Variants in VPS13B observed in about 807,000 individuals in gnomAD.
VPS13B encodes the protein vacuolar protein sorting 13 homolog B.
Under a neutral mutation model 426.4 loss-of-function variants are expected in VPS13B, and 285 were observed. That is an observed-to-expected ratio of 0.67 (90% confidence interval 0.61 to 0.74). VPS13B has a LOEUF of 0.74. VPS13B is among the 30% of genes least tolerant of loss of function. The pLI, the probability that VPS13B is intolerant of heterozygous loss-of-function variation, is 0.00. For synonymous variants in VPS13B, 1,676 were observed against 1,676.4 expected (o/e 1.00, Z 0.01); for missense variants, 4,537 against 4,782.6 (o/e 0.95, Z 1.51).
Position 99,156,707 on chromosome 8 carries a change from C to T in VPS13B, c.2172C>T (p.Asn724=). 5 of 1,613,976 alleles carry T rather than the reference C, an allele frequency of 3.1e-6. No individual in the cohort carries two copies. The highest frequency in any genetic ancestry group is 1.3e-5 in the African/African-American group (1 of 75,044). Residue 724 remains asparagine (N), a synonymous_variant, in exon 15 of 62, where the codon AAC becomes AAT. Transcript: ENST00000357162. ...VVSSLTQPSD[N]LLHYCYVHCY... is the part of the protein sequence containing the mutation. ...GCAGCCTTACTCAACCTTCTGATAA[C>T]CTGCTTCATTATTGTTATGTACACT...
chr8:99,727,992 A>G (rs1833420507), intron 39 of VPS13B, among the ~76,000 whole-genome samples: 1 of 152,244 alleles, frequency 6.6e-6, no homozygotes, highest in South Asian at 2.1e-4. Flanking sequence ...ATATCCTTCT[A>G]ATAGTTTGGC....
Position 99,541,625 on chromosome 8 carries a change from C to T in VPS13B, c.4746-14825C>T, listed in dbSNP as rs1823626702. Among the ~76,000 whole-genome samples, 4 of 152,180 alleles carry T rather than the reference C, an allele frequency of 2.6e-5. No individual in the cohort carries two copies. The South Asian group carries it at 8.3e-4, about 32-fold the overall frequency. On this transcript the variant is annotated intron_variant, in intron 30 of 61. Transcript: ENST00000357162. ...ATTTATTATTCCCATATTTGTATAA[C>T]TCTTGCCATGTTAAAACATTCATGC...
intron 35 of VPS13B, chr8:99,696,536 G>A (rs181339445): frequency 1.7e-4 from 81 of 468,944 alleles, no homozygotes; most frequent in African/African-American, 1.1e-3. Flanking sequence ...AATTCCTGCC[G>A]CCCGTGACCA....
chr8:99,130,814 A>T (rs931544060), intron 8 of VPS13B, among the ~76,000 whole-genome samples: 1 of 152,206 alleles, frequency 6.6e-6, no homozygotes, highest in Non-Finnish European at 1.5e-5. Flanking sequence ...TAAAATAGCT[A>T]CATTGTATAT....
chr8:99,778,110 T>A (rs891597602), intron 41 of VPS13B, among the ~76,000 whole-genome samples: 1 of 151,548 alleles, frequency 6.6e-6, no homozygotes, highest in African/African-American at 2.4e-5. Context: ...CAGGTGCCTG[T>A]AATCCCAGCT....
chr8:99,031,209 C>G (rs982898439), intron 2 of VPS13B, among the ~76,000 whole-genome samples: 1 of 151,970 alleles, frequency 6.6e-6, no homozygotes, highest in Admixed American at 6.6e-5. Flanking sequence ...TAATTTTATT[C>G]ACTGACTTCT....
At chr8:99,272,472 ATACT>A (rs934102472) in intron 17 of VPS13B, among the ~76,000 whole-genome samples, 5 of 152,210 alleles carry the variant, frequency 3.3e-5, no homozygotes, top group Admixed American at 6.5e-5. Flanking sequence ...TACATAACAC[ATACT>A]TAAGTCCTCA....
At chr8:99,085,438 C>T (rs1271498031) in intron 3 of VPS13B, among the ~76,000 whole-genome samples, 4 of 152,166 alleles carry the variant, frequency 2.6e-5, no homozygotes, top group Non-Finnish European at 5.9e-5. Flanking sequence ...TTAAGTGGAG[C>T]ATTTAGCCCA....
chr8:99,373,972 T>C (rs1386221985), intron 19 of VPS13B, among the ~76,000 whole-genome samples: 1 of 152,224 alleles, frequency 6.6e-6, no homozygotes, highest in Non-Finnish European at 1.5e-5. Context: ...TTATAGTTTA[T>C]TGTAGCACAA....
intron 3 of VPS13B, among the ~76,000 whole-genome samples, chr8:99,059,299 G>A (rs1236905605): frequency 6.6e-6 from 1 of 152,106 alleles, no homozygotes; most frequent in Non-Finnish European, 1.5e-5. Flanking sequence ...ACCAATGCCC[G>A]GCTAATTTTT....
intron 40 of VPS13B, among the ~76,000 whole-genome samples, chr8:99,771,744 T>C (rs1478840481): frequency 6.6e-6 from 1 of 152,212 alleles, no homozygotes; most frequent in Admixed American, 6.5e-5. Context: ...TTTCTCTCCA[T>C]TTGGCTACTT....
At chr8:99,693,279 T>G (rs1387429920) in intron 35 of VPS13B, among the ~76,000 whole-genome samples, 1 of 149,924 alleles carries the variant, frequency 6.7e-6, no homozygotes, top group Non-Finnish European at 1.5e-5. Context: ...TGATGAACAT[T>G]GATGCAAAAA....
In VPS13B at chr8:99,721,030, CT is replaced by C; in HGVS notation, c.7035del (p.Gly2346ValfsTer44). On this transcript the variant is annotated frameshift_variant, in exon 39 of 62. Coordinates refer to ENST00000357162, the MANE Select transcript of VPS13B (RefSeq NM_152564.5). LOFTEE classifies it high-confidence loss of function. Reference sequence around the variant, plus strand: ...GGATCCAGATATTAGCACAGCAGACCTTGGTGATGTGCTACAGGTATGTAAT... The same window carrying C: ...GGATCCAGATATTAGCACAGCAGACCTGGTGATGTGCTACAGGTATGTAAT... ...TEDPDISTADLGDVLQVPCSL... is the reference protein window; with the variant it reads ...TEDPDISTADXGDVLQVPCSL... 6.2e-7 allele frequency: 1 copy of C among 1,613,900 alleles called. No individual in the cohort carries two copies. The highest frequency in any genetic ancestry group is 8.5e-7 in the Non-Finnish European group (1 of 1,179,896).
intron 15 of VPS13B, among the ~76,000 whole-genome samples, chr8:99,160,073 AC>A (rs534127271): frequency 2.8e-4 from 43 of 152,268 alleles, no homozygotes; most frequent in African/African-American, 1.0e-3. Flanking sequence ...GTACTGGGAA[AC>A]CAAAAATTAT....
intron 21 of VPS13B, among the ~76,000 whole-genome samples, chr8:99,400,511 G>A (rs796281646): frequency 3.3e-5 from 5 of 152,254 alleles, no homozygotes; most frequent in African/African-American, 1.2e-4. Context: ...ATCCATAGTA[G>A]TTATTGATTT....
intron 35 of VPS13B, chr8:99,696,886 C>T (rs2130151739): frequency 5.1e-6 from 4 of 787,582 alleles, no homozygotes; most frequent in East Asian, 2.5e-5. Flanking sequence ...ACAACTTCTG[C>T]GGTTCCAGCT....
At chr8:99,125,287 A>T (rs1848140495) in intron 8 of VPS13B, among the ~76,000 whole-genome samples, 1 of 152,196 alleles carries the variant, frequency 6.6e-6, no homozygotes, top group Non-Finnish European at 1.5e-5. Flanking sequence ...TTGGAGTCTG[A>T]TGTTCAAGGG....
chr8:99,505,081 C>T (rs1043148568), intron 27 of VPS13B, among the ~76,000 whole-genome samples: 10 of 152,208 alleles, frequency 6.6e-5, no homozygotes, highest in African/African-American at 2.2e-4. Context: ...TTAACTTCTG[C>T]AGCTTTCTTA....
intron 35 of VPS13B, among the ~76,000 whole-genome samples, chr8:99,662,271 T>C (rs1350529114): frequency 6.6e-6 from 1 of 152,128 alleles, no homozygotes; most frequent in Admixed American, 6.6e-5. Context: ...CTTCATCTCA[T>C]GTTCTTCCCC....
Sources: allele counts gnomAD v4.1 joint callset (sites outside exome capture counted in the v4.1 genomes callset), GRCh38; gene constraint gnomAD v4.1.1; transcripts MANE v1.5; gene names NCBI Gene and HGNC (gene_info 2026-07-23, HGNC 2026-07-21).